EML6: variants seen among roughly 807,000 people sequenced by gnomAD.
EML6 encodes the protein EMAP like 6, also known as echinoderm microtubule-associated protein-like 6.
In EML6, 154 loss-of-function variants were observed where a neutral mutation model predicts 240.1. The ratio of observed to expected loss-of-function variants is 0.64; its 90% CI spans 0.56 to 0.73. The LOEUF (loss-of-function observed/expected upper bound fraction) is 0.73. EML6 is among the 30% of genes least tolerant of loss of function. EML6 has a pLI of 0.00. For synonymous variants in EML6, 1,148 were observed against 899.0 expected (o/e 1.28, Z -4.95); for missense variants, 2,964 against 2,474.6 (o/e 1.20, Z -4.20).
intron 26 of EML6, among the ~76,000 whole-genome samples, chr2:54,918,594 A>T (rs1178845397): frequency 1.3e-5 from 2 of 151,932 alleles, no homozygotes; most frequent in African/African-American, 4.8e-5. Context: ...CAATCCTCCC[A>T]CCTGGGCCTC....
chr2:54,796,363 T>C (rs543140037), intron 2 of EML6, among the ~76,000 whole-genome samples: 6 of 152,202 alleles, frequency 3.9e-5, no homozygotes, highest in Non-Finnish European at 8.8e-5. Context: ...AAATGACCTA[T>C]TTCTTCAGAG....
intron 7 of EML6, among the ~76,000 whole-genome samples, chr2:54,837,793 C>A (rs750139454): frequency 1.3e-5 from 2 of 152,188 alleles, no homozygotes; most frequent in African/African-American, 2.4e-5. Context: ...TGGTCCAGAC[C>A]AACTGGGAGG....
At chr2:54,884,638 G>A (rs566171395) in intron 17 of EML6, among the ~76,000 whole-genome samples, 2 of 152,330 alleles carry the variant, frequency 1.3e-5, no homozygotes, top group African/African-American at 2.4e-5. Flanking sequence ...AATGGAGGGG[G>A]AGAATTGAAG....
At chr2:54,930,953 C>CTT (rs34403438) in intron 28 of EML6, among the ~76,000 whole-genome samples, 7,460 of 104,466 alleles carry the variant, frequency 0.071, 552 homozygotes, top group Admixed American at 0.13. Flanking sequence ...CCGTAGGCAT[C>CTT]TTTTTTTTTT....
intron 7 of EML6, among the ~76,000 whole-genome samples, chr2:54,840,087 T>G (rs899652594): frequency 1.3e-5 from 2 of 152,238 alleles, no homozygotes; most frequent in African/African-American, 2.4e-5. Context: ...TTCCTGATAA[T>G]GCTGAAGAGT....
chr2:54,811,405 C>T (rs1465874370), intron 2 of EML6, among the ~76,000 whole-genome samples: 1 of 152,184 alleles, frequency 6.6e-6, no homozygotes, highest in African/African-American at 2.4e-5. Context: ...CCCTTTGCAC[C>T]TTGTCTTTCA....
At chr2:54,923,592 A>C (rs1674381198) in intron 26 of EML6, among the ~76,000 whole-genome samples, 1 of 152,226 alleles carries the variant, frequency 6.6e-6, no homozygotes, top group Admixed American at 6.5e-5. Flanking sequence ...ATGTTTCATC[A>C]TGCATATTAC....
At chr2:54,953,779 C>T (rs768166180) in intron 31 of EML6, among the ~76,000 whole-genome samples, 28 of 151,026 alleles carry the variant, frequency 1.9e-4, no homozygotes, top group Non-Finnish European at 2.5e-4. Flanking sequence ...CCCAGCTACT[C>T]GGGAGGCTGA....
At chr2:54,967,981 T>G in intron 39 of EML6, 147 bp from the exon 40 acceptor site, 1 of 711,614 alleles carries the variant, frequency 1.4e-6, no homozygotes, top group Admixed American at 2.6e-5. Context: ...TAACAGGCCA[T>G]GGACCAGTAC....
intron 28 of EML6, among the ~76,000 whole-genome samples, chr2:54,939,980 A>C (rs552997686): frequency 1.3e-5 from 2 of 152,336 alleles, no homozygotes; most frequent in South Asian, 4.1e-4. Context: ...GGAATCTGTG[A>C]ATATTCTGCA....
Position 54,725,309 on chromosome 2 carries a change from A to G in EML6, c.197+51A>G, listed in dbSNP as rs559128826. The G allele has an allele frequency of 1.5e-6, 2 of 1,334,366 alleles. No individual in the cohort carries two copies. The highest frequency in any genetic ancestry group is 2.0e-6 in the Non-Finnish European group (2 of 1,015,102). The allele number at this position is 1,334,366 out of a possible 1,614,324, so 82.7% of individuals were successfully genotyped here. A position where few individuals can be genotyped will look rare whatever the true frequency, so the allele number is the denominator to read the frequency against. On this transcript the variant is annotated intron_variant, in intron 2 of 41. Coordinates refer to ENST00000356458, the MANE Select transcript of EML6 (RefSeq NM_001039753.4). The surrounding 1 kb of genome is among the most constrained non-coding windows in gnomAD (Gnocchi z 4.3). Reference sequence around the variant, plus strand: ...GGAGGGGTTGCGTGTGGAGGCTGGGAAGGTGGGAAGCGGTTGACCTGGGGT... The same window carrying G: ...GGAGGGGTTGCGTGTGGAGGCTGGGGAGGTGGGAAGCGGTTGACCTGGGGT...
chr2:54,870,702 A>G (rs1671213075), intron 15 of EML6, among the ~76,000 whole-genome samples: 2 of 150,944 alleles, frequency 1.3e-5, no homozygotes, highest in Admixed American at 6.6e-5. Flanking sequence ...TTTTTTTTTT[A>G]CATAAATCCC....
At chr2:54,858,142 C>G (rs542981798) in intron 11 of EML6, among the ~76,000 whole-genome samples, 4 of 152,198 alleles carry the variant, frequency 2.6e-5, no homozygotes, top group African/African-American at 9.7e-5. Flanking sequence ...TCGCTTCTTC[C>G]AAGATGGCTC....
At chr2:54,938,716 C>T (rs1675276375) in intron 28 of EML6, among the ~76,000 whole-genome samples, 1 of 152,238 alleles carries the variant, frequency 6.6e-6, no homozygotes, top group South Asian at 2.1e-4. Context: ...AGGTTCTCTT[C>T]AGCACAATGT....
At chr2:54,910,916 G>C (rs1195502525) in intron 24 of EML6, 38 bp from the exon 25 acceptor site, 1 of 1,069,850 alleles carries the variant, frequency 9.3e-7, no homozygotes, top group African/African-American at 1.6e-5. Context: ...GATAAAGTCA[G>C]ATTTTAATTA....
At position 54,863,885 on chromosome 2, in the gene EML6, G is replaced by A. The variant is rs1314337847; in HGVS notation, c.1928G>A (p.Arg643His). ...CAAGAAGCTCAAATCAATTATGATCGCCAGGTCGGTAAGCAGGGAGCAATG... is the reference window on the plus strand; with the variant it reads ...CAAGAAGCTCAAATCAATTATGATCACCAGGTCGGTAAGCAGGGAGCAATG... The part of the protein sequence containing the change: ...IEQEAQINYD[R>H]QVYKEDLPQL... The change falls in exon 13 of 42, where the codon CGC becomes CAC. Residue 643 changes from arginine (R) to histidine (H), a missense_variant. By Grantham distance (29) the Arg-to-His change is conservative. Transcript: ENST00000356458. The A allele has an allele frequency of 1.2e-5, 19 of 1,529,412 alleles. No homozygotes were observed. Among genetic ancestry groups the A allele is most frequent in the Non-Finnish European group, 1.5e-5 (17 of 1,131,288 alleles). The allele number at this position is 1,529,412 out of a possible 1,614,324, so 94.7% of individuals were successfully genotyped here. A position where few individuals can be genotyped will look rare whatever the true frequency, so the allele number is the denominator to read the frequency against.
intron 3 of EML6, among the ~76,000 whole-genome samples, chr2:54,816,505 C>G (rs1009223706): frequency 2.0e-5 from 3 of 152,046 alleles, no homozygotes; most frequent in Admixed American, 1.3e-4. Flanking sequence ...TCTGTAGTTT[C>G]TATTGACGTT....
At chr2:54,856,726 C>T (rs1246004357) in intron 11 of EML6, among the ~76,000 whole-genome samples, 1 of 152,146 alleles carries the variant, frequency 6.6e-6, no homozygotes, top group East Asian at 1.9e-4. Context: ...TAAAGGGCCC[C>T]CTGGCCACTA....
In EML6 at chr2:54,950,831, C is replaced by A; in HGVS notation, c.4213+52C>A. The A allele has an allele frequency of 2.6e-6, 4 of 1,520,456 alleles. No individual in the cohort carries two copies. In the East Asian group the frequency reaches 9.9e-5, roughly 38 times the overall value. 94.2% of individuals were successfully genotyped at this position (1,520,456 alleles called of 1,614,324 possible). Reference sequence around the variant, plus strand: ...TTTTCTTTTAGCTGTTTTTTACATGCTTTCCCCACTCTTTAGATGCCCAAA... The same window carrying A: ...TTTTCTTTTAGCTGTTTTTTACATGATTTCCCCACTCTTTAGATGCCCAAA... On this transcript the variant is annotated intron_variant, in intron 30 of 41. Coordinates refer to ENST00000356458, the MANE Select transcript of EML6 (RefSeq NM_001039753.4).
Sources: gnomAD v4.1 joint callset for allele counts (sites outside exome capture counted in the v4.1 genomes callset) on GRCh38, gnomAD v4.1.1 for gene constraint, Gnocchi (gnomAD v3.1) non-coding constraint, MANE v1.5 for transcripts, NCBI Gene and HGNC (gene_info 2026-07-23, HGNC 2026-07-21) for gene names.